ELOVL6: variants seen among roughly 807,000 people sequenced by gnomAD.
ELOVL6 encodes the protein very long chain fatty acid elongase 6.
Under a neutral mutation model 31.7 loss-of-function variants are expected in ELOVL6, and 8 were observed. That is an observed-to-expected ratio of 0.25 (90% CI 0.15 to 0.45). The LOEUF (loss-of-function observed/expected upper bound fraction) is 0.45, where lower values mean the gene tolerates loss of function less well. ELOVL6 is among the 20% of genes least tolerant of loss of function. The pLI is 1.00. For missense variants in ELOVL6, 126 were observed against 326.4 expected (o/e 0.39, Z 4.73); for synonymous variants, 101 against 117.7 (o/e 0.86, Z 0.92).
intron 2 of ELOVL6, among the ~76,000 whole-genome samples, chr4:110,066,958 C>T (rs1755323889): frequency 1.3e-5 from 2 of 152,094 alleles, no homozygotes; most frequent in Admixed American, 1.3e-4. Flanking sequence ...TGATGTTTCC[C>T]TCCCTGCGTC....
chr4:110,066,364 C>T (rs377117360), intron 2 of ELOVL6, among the ~76,000 whole-genome samples: 31 of 151,886 alleles, frequency 2.0e-4, no homozygotes, highest in African/African-American at 6.3e-4. Context: ...AGGCCAGGCA[C>T]GGTGGCTCAT....
At chr4:110,053,218 G>A (rs1383812484) in intron 3 of ELOVL6, among the ~76,000 whole-genome samples, 2 of 152,050 alleles carry the variant, frequency 1.3e-5, no homozygotes, top group African/African-American at 4.8e-5. Flanking sequence ...CTGAGAACCC[G>A]GCCCTGGTTC....
intron 1 of ELOVL6, among the ~76,000 whole-genome samples, chr4:110,183,740 A>C (rs1446961156): frequency 6.6e-6 from 1 of 152,070 alleles, no homozygotes; most frequent in East Asian, 1.9e-4. Context: ...ACGGTGGCTC[A>C]CAGCTGTAAT....
At chr4:110,140,914 A>G (rs956170404) in intron 1 of ELOVL6, among the ~76,000 whole-genome samples, 1 of 152,136 alleles carries the variant, frequency 6.6e-6, no homozygotes, top group Non-Finnish European at 1.5e-5. Context: ...GGCAATTTAC[A>G]AAAGAAAGAG....
intron 1 of ELOVL6, among the ~76,000 whole-genome samples, chr4:110,131,916 T>A (rs975556522): frequency 6.6e-6 from 1 of 152,144 alleles, no homozygotes; most frequent in Non-Finnish European, 1.5e-5. Context: ...AGGACAGAAA[T>A]TCTCTTGCTG....
chr4:110,141,855 G>GTGTATA (rs112473825), intron 1 of ELOVL6, among the ~76,000 whole-genome samples: 1 of 126,626 alleles, frequency 7.9e-6, no homozygotes, highest in Non-Finnish European at 1.7e-5. Flanking sequence ...AATACAATTA[G>GTGTATA]TATATATATA....
At chr4:110,171,090 T>A (rs928304590) in intron 1 of ELOVL6, among the ~76,000 whole-genome samples, 1 of 152,196 alleles carries the variant, frequency 6.6e-6, no homozygotes, top group Non-Finnish European at 1.5e-5. Flanking sequence ...AGACAGGCCT[T>A]GCTGGGTTTC....
chr4:110,142,871 A>G (rs1758003316), intron 1 of ELOVL6, among the ~76,000 whole-genome samples: 1 of 152,176 alleles, frequency 6.6e-6, no homozygotes, highest in Non-Finnish European at 1.5e-5. Flanking sequence ...TACCTTCTCA[A>G]GAAGTTATTA....
At chr4:110,094,430 TATATATATATATAATA>T in intron 2 of ELOVL6, among the ~76,000 whole-genome samples, 1 of 58,236 alleles carries the variant, frequency 1.7e-5, no homozygotes, top group African/African-American at 8.6e-5. Context: ...TATATATATA[TATATATATATATAATA>T]TATATAACAT....
intron 2 of ELOVL6, among the ~76,000 whole-genome samples, chr4:110,097,342 C>G (rs993510662): frequency 6.8e-6 from 1 of 147,044 alleles, no homozygotes; most frequent in Non-Finnish European, 1.5e-5. Flanking sequence ...ATCCTCTACC[C>G]CACTACCTTT....
intron 1 of ELOVL6, among the ~76,000 whole-genome samples, chr4:110,194,040 G>A (rs546583370): frequency 4.6e-5 from 7 of 152,308 alleles, no homozygotes; most frequent in Admixed American, 3.3e-4. Flanking sequence ...AGCATCCACT[G>A]CTGTTAGCAC....
chr4:110,094,730 T>G (rs1045654126), intron 2 of ELOVL6, among the ~76,000 whole-genome samples: 1 of 151,842 alleles, frequency 6.6e-6, no homozygotes. Flanking sequence ...ACATCAGTCT[T>G]TGATTTCTTG....
At chr4:110,163,609 TAGAAGGG>T (rs1172569368) in intron 1 of ELOVL6, among the ~76,000 whole-genome samples, 1 of 152,178 alleles carries the variant, frequency 6.6e-6, no homozygotes, top group African/African-American at 2.4e-5. Flanking sequence ...TATAAAATGC[TAGAAGGG>T]TGATATACAA....
chr4:110,164,848 C>CT (rs1438667381), intron 1 of ELOVL6, among the ~76,000 whole-genome samples: 15 of 150,388 alleles, frequency 1.0e-4, no homozygotes, highest in African/African-American at 3.4e-4. Flanking sequence ...TGGGGAATTT[C>CT]TTTTTTTTGA....
chr4:110,195,681 C>T (rs1759752656), intron 1 of ELOVL6, among the ~76,000 whole-genome samples: 1 of 152,122 alleles, frequency 6.6e-6, no homozygotes, highest in South Asian at 2.1e-4. Flanking sequence ...GGAAAAATCC[C>T]AAGATGTGAC....
chr4:110,091,040 T>A (rs1756413957), intron 2 of ELOVL6, among the ~76,000 whole-genome samples: 1 of 152,228 alleles, frequency 6.6e-6, no homozygotes, highest in Admixed American at 6.5e-5. Context: ...TATTCACAGG[T>A]TCGGCAAATG....
chr4:110,058,009 A>G (rs760780082), intron 3 of ELOVL6, among the ~76,000 whole-genome samples: 11 of 152,212 alleles, frequency 7.2e-5, no homozygotes, highest in Non-Finnish European at 1.2e-4. Context: ...TAAAATTCCC[A>G]GAAATACCTC....
At chr4:110,103,556 A>T (rs559360817) in intron 2 of ELOVL6, among the ~76,000 whole-genome samples, 93 of 152,334 alleles carry the variant, frequency 6.1e-4, no homozygotes, top group Middle Eastern at 3.4e-3. Flanking sequence ...CGAATAGTTG[A>T]TAAAGGCAAG....
At chr4:110,079,986 T>C (rs1379535022) in intron 2 of ELOVL6, among the ~76,000 whole-genome samples, 2 of 151,878 alleles carry the variant, frequency 1.3e-5, no homozygotes, top group African/African-American at 4.8e-5. Context: ...AACTAGAAAA[T>C]CTAGAAGAAA....
Sources: allele counts gnomAD v4.1 joint callset (sites outside exome capture counted in the v4.1 genomes callset), GRCh38; gene constraint gnomAD v4.1.1; transcripts MANE v1.5; gene names NCBI Gene and HGNC (gene_info 2026-07-23, HGNC 2026-07-21).